Variants in ITPA observed in about 807,000 individuals in gnomAD.
The protein encoded by ITPA is inosine triphosphatase, also known as inosine triphosphate pyrophosphatase.
In ITPA, 29 loss-of-function variants were observed where a neutral mutation model predicts 29.6. The ratio of observed to expected loss-of-function variants is 0.98; its 90% CI spans 0.73 to 1.34. The LOEUF (loss-of-function observed/expected upper bound fraction) is 1.34, where lower values mean the gene tolerates loss of function less well. ITPA is among the 40% of genes most tolerant of loss of function. The probability of loss-of-function intolerance (pLI) is 0.00; values close to 1 mark genes in which losing one functional copy is unlikely to be tolerated. For synonymous variants in ITPA, 103 were observed against 99.3 expected (o/e 1.04, Z -0.22); for missense variants, 241 against 251.5 (o/e 0.96, Z 0.28).
chr20:3,213,494 C>A, intron 3 of ITPA, 111 bp downstream of exon 3: 1 of 1,298,818 alleles, frequency 7.7e-7, no homozygotes, highest in Non-Finnish European at 1.1e-6. Context: ...TTTCTAGGAC[C>A]GGCCCAGAGT....
chr20:3,218,398 T>C (rs2067366259), intron 5 of ITPA, 119 bp from the exon 6 acceptor site: 4 of 760,490 alleles, frequency 5.3e-6, no homozygotes, highest in South Asian at 1.5e-5. Context: ...GCTACCCCAA[T>C]TGAGACCTAA....
intron 7 of ITPA, among the ~76,000 whole-genome samples, 182 bp from the exon 8 acceptor site, chr20:3,223,184 G>A (rs1041806864): frequency 6.6e-6 from 1 of 152,202 alleles, no homozygotes; most frequent in Admixed American, 6.5e-5. Flanking sequence ...CTGCCTACAG[G>A]GGAATTGAAA....
At chr20:3,208,839 C>T, upstream of ITPA, 1 of 153,042 alleles carries the variant, frequency 6.5e-6, no homozygotes, top group South Asian at 2.0e-4. Context: ...AGATGACTTG[C>T]TGCAAAGAGA....
At chr20:3,226,343 T>G (rs532296407), downstream of ITPA, among the ~76,000 whole-genome samples, 1 of 152,216 alleles carries the variant, frequency 6.6e-6, no homozygotes, top group Admixed American at 6.5e-5. This position sits in a 1 kb window ranked among gnomAD's most constrained non-coding sequence, Gnocchi z 4.4. Flanking sequence ...TTGACTGTTG[T>G]GCACAGTGAG....
chr20:3,224,863 A>C (rs549614590), downstream of ITPA, among the ~76,000 whole-genome samples: 70 of 152,192 alleles, frequency 4.6e-4, no homozygotes, highest in South Asian at 3.7e-3. Flanking sequence ...GGTGCACACA[A>C]CACTTTCTGG....
intron 6 of ITPA, among the ~76,000 whole-genome samples, chr20:3,220,948 C>T (rs1388441874): frequency 3.3e-5 from 5 of 152,112 alleles, no homozygotes; most frequent in African/African-American, 7.2e-5. Flanking sequence ...CTCTGTCTGT[C>T]GCCCGGACTG....
At chr20:3,205,196 G>T (rs1047326015), upstream of ITPA, among the ~76,000 whole-genome samples, 1 of 152,172 alleles carries the variant, frequency 6.6e-6, no homozygotes, top group Non-Finnish European at 1.5e-5. Context: ...AGTGTTTATG[G>T]AAACAACCGT....
At chr20:3,218,395 C>G in intron 5 of ITPA, 122 bp from the exon 6 acceptor site, 1 of 750,214 alleles carries the variant, frequency 1.3e-6, no homozygotes, top group South Asian at 1.5e-5. Context: ...CCCGCTACCC[C>G]AATTGAGACC....
chr20:3,221,535 C>T (rs920672195), intron 6 of ITPA, among the ~76,000 whole-genome samples: 4 of 151,654 alleles, frequency 2.6e-5, no homozygotes, highest in African/African-American at 7.3e-5. Flanking sequence ...TTCAAAGTAG[C>T]CTCATTGTTC....
rs776106117 is a variant in ITPA, at chr20:3,218,590, G to C, written c.369G>C (p.Gly123=). The change falls in exon 6 of 8, where the codon GGG becomes GGC. Residue 123 remains glycine (G), a synonymous_variant. Coordinates refer to ENST00000380113, the MANE Select transcript of ITPA (RefSeq NM_033453.4). Reference sequence around the variant, plus strand: ...TCTGCACGTTTGCACTCAGCACCGGGGACCCAAGCCAGCCCGTGCGCCTGT... The same window carrying C: ...TCTGCACGTTTGCACTCAGCACCGGCGACCCAAGCCAGCCCGTGCGCCTGT... The part of the protein sequence containing the change: ...YALCTFALST[G]DPSQPVRLFR... 6.2e-7 allele frequency: 1 copy of C among 1,613,710 alleles called. No individual in the cohort carries two copies. The highest frequency in any genetic ancestry group is 8.5e-7 in the Non-Finnish European group (1 of 1,179,950).
At chr20:3,224,879 T>A (rs1170336767), downstream of ITPA, among the ~76,000 whole-genome samples, 1 of 152,210 alleles carries the variant, frequency 6.6e-6, no homozygotes, top group Non-Finnish European at 1.5e-5. Context: ...TCTGGCCATT[T>A]TTTTTACTTT....
chr20:3,215,190 C>A, intron 4 of ITPA, 91 bp from the exon 5 acceptor site: 1 of 1,329,394 alleles, frequency 7.5e-7, no homozygotes, highest in South Asian at 1.2e-5. Flanking sequence ...TTTTTCATTT[C>A]CCCTTGGCTG....
At position 3,209,556 on chromosome 20, in the gene ITPA, C is replaced by A. The variant is rs150370229; in HGVS notation, c.5C>A (p.Ala2Glu). The A allele has an allele frequency of 5.0e-6, 8 of 1,613,900 alleles. No individual in the cohort carries two copies. In the East Asian group the frequency reaches 6.7e-5, roughly 13 times the overall value. ...GCTGGGTAACCGGGGATCACCATGG[C>A]GGCCTCATTGGTGGGGAAGAAGATC... M[A>E]ASLVGKKIVF... The change falls in exon 1 of 8, where the codon GCG becomes GAG. Residue 2 changes from alanine (A) to glutamate (E), a missense_variant. By Grantham distance (107) the Ala-to-Glu change is moderately radical. Transcript: ENST00000380113. This position sits in a 1 kb window ranked among gnomAD's most constrained non-coding sequence, Gnocchi z 4.6.
At chr20:3,204,488 A>C (rs1311086783), upstream of ITPA, 3 of 1,523,558 alleles carry the variant, frequency 2.0e-6, no homozygotes, top group Admixed American at 2.0e-5. Context: ...AAGGCTCAGA[A>C]GGCCAGAAAA....
At chr20:3,216,983 T>C (rs1393027786) in intron 5 of ITPA, among the ~76,000 whole-genome samples, 1 of 151,896 alleles carries the variant, frequency 6.6e-6, no homozygotes, top group Non-Finnish European at 1.5e-5. Context: ...TGAGTTCAAG[T>C]GATTCTCCTG....
In ITPA at chr20:3,209,750, G is replaced by C; in HGVS notation, c.66+133G>C. The C allele has an allele frequency of 1.4e-6, 1 of 734,618 alleles. No homozygotes were observed. Among genetic ancestry groups the C allele is most frequent in the East Asian group, 2.7e-5 (1 of 36,948 alleles). 45.5% of individuals were successfully genotyped at this position (734,618 alleles called of 1,614,324 possible). On this transcript the variant is annotated intron_variant, in intron 1 of 7. Coordinates refer to ENST00000380113, the MANE Select transcript of ITPA (RefSeq NM_033453.4). This position sits in a 1 kb window ranked among gnomAD's most constrained non-coding sequence, Gnocchi z 4.6. ...AATTCAGCCCGGAAGAATGGGTCCT[G>C]ACCCGGCTGTGTGGAAAAGCTGGGG...
chr20:3,215,436 C>T (rs1033552730), intron 5 of ITPA, 124 bp downstream of exon 5: 22 of 828,922 alleles, frequency 2.7e-5, no homozygotes, highest in Middle Eastern at 4.6e-4. Flanking sequence ...GAGCCTCCAC[C>T]TCATTTTCCC....
downstream of ITPA, among the ~76,000 whole-genome samples, chr20:3,226,713 C>G (rs758511400): frequency 1.3e-5 from 2 of 152,130 alleles, no homozygotes; most frequent in Non-Finnish European, 2.9e-5. The surrounding 1 kb of genome is among the most constrained non-coding windows in gnomAD (Gnocchi z 4.4). Flanking sequence ...TTCTGTCGGC[C>G]AACTTAGTCC....
At chr20:3,222,856 C>CCA (rs1261594553) in intron 7 of ITPA, among the ~76,000 whole-genome samples, 5 of 152,230 alleles carry the variant, frequency 3.3e-5, no homozygotes, top group African/African-American at 1.2e-4. Flanking sequence ...ATTTAAATAG[C>CCA]CACACCTGGC....
Sources: gnomAD v4.1 joint callset for allele counts (sites outside exome capture counted in the v4.1 genomes callset) on GRCh38, gnomAD v4.1.1 for gene constraint, Gnocchi (gnomAD v3.1) non-coding constraint, MANE v1.5 for transcripts, NCBI Gene and HGNC (gene_info 2026-07-23, HGNC 2026-07-21) for gene names.